The following DHDDS variants were observed in gnomAD, a reference collection of about 807,000 sequenced individuals.
DHDDS encodes the protein dehydrodolichyl diphosphate synthase subunit, also known as dehydrodolichyl diphosphate synthase complex subunit DHDDS.
A neutral mutation model predicts 46.2 loss-of-function variants in DHDDS; 16 were observed. That is an observed-to-expected ratio of 0.35 (90% CI 0.23 to 0.53). DHDDS has a LOEUF of 0.53. DHDDS is among the 20% of genes least tolerant of loss of function. The pLI, the probability that DHDDS is intolerant of heterozygous loss-of-function variation, is 0.94. For missense variants in DHDDS, 340 were observed against 423.7 expected (o/e 0.80, Z 1.73); for synonymous variants, 151 against 163.1 (o/e 0.93, Z 0.56).
intron 6 of DHDDS, among the ~76,000 whole-genome samples, chr1:26,448,851 C>T (rs2075293654): frequency 6.6e-6 from 1 of 152,090 alleles, no homozygotes; most frequent in Non-Finnish European, 1.5e-5. Context: ...TTATCCTTTA[C>T]CTCTATTATG....
intron 6 of DHDDS, among the ~76,000 whole-genome samples, chr1:26,451,027 A>G (rs2075313713): frequency 6.6e-6 from 1 of 152,166 alleles, no homozygotes; most frequent in Admixed American, 6.5e-5. Context: ...CTCATACCAC[A>G]TTACAGTAAC....
rs577937760 is a variant in DHDDS at position 26,466,882 on chromosome 1, G to A, written c.766-2013G>A. On this transcript the variant is annotated intron_variant, in intron 8 of 8. Transcript: ENST00000236342. Reference sequence around the variant, plus strand: ...AGGTGGGTACTCTTATCCCGGTTTTGCAGAGTAAGAGAGAGCCTTAGAGAG... The same window carrying A: ...AGGTGGGTACTCTTATCCCGGTTTTACAGAGTAAGAGAGAGCCTTAGAGAG... 5.5e-4 allele frequency among the ~76,000 whole-genome samples: 84 copies of A among 152,254 alleles called. 1 individual carries two copies. Among genetic ancestry groups the A allele is most frequent in the Admixed American group, 3.5e-3 (54 of 15,294 alleles).
chr1:26,449,394 C>T (rs548000181), intron 6 of DHDDS, among the ~76,000 whole-genome samples: 98 of 152,022 alleles, frequency 6.4e-4, no homozygotes, highest in Non-Finnish European at 1.3e-3. Context: ...AGCCATCACT[C>T]CTGGCCCATT....
At chr1:26,462,530 T>C (rs2075434573) in intron 8 of DHDDS, among the ~76,000 whole-genome samples, 1 of 152,172 alleles carries the variant, frequency 6.6e-6, no homozygotes, top group Admixed American at 6.5e-5. Flanking sequence ...TCCTCTTCCA[T>C]AGTATTTACT....
At chr1:26,462,066 T>G (rs536775422) in intron 8 of DHDDS, among the ~76,000 whole-genome samples, 45 of 151,396 alleles carry the variant, frequency 3.0e-4, no homozygotes, top group Non-Finnish European at 4.3e-4. Flanking sequence ...TTTTTTGTTT[T>G]TTTTTTTTTT....
chr1:26,459,070 A>C (rs2075398549), intron 7 of DHDDS, among the ~76,000 whole-genome samples: 1 of 152,270 alleles, frequency 6.6e-6, no homozygotes, highest in South Asian at 2.1e-4. Context: ...TGAGTGAGTC[A>C]GAAATGATCC....
chr1:26,433,439 C>T (rs2075122627), intron 2 of DHDDS, among the ~76,000 whole-genome samples: 1 of 151,962 alleles, frequency 6.6e-6, no homozygotes, highest in South Asian at 2.1e-4. Flanking sequence ...TGTTTGAGCT[C>T]AGGAGTTGAG....
intron 4 of DHDDS, chr1:26,443,176 G>T: frequency 2.8e-6 from 1 of 360,404 alleles, no homozygotes; most frequent in Non-Finnish European, 5.2e-6. Flanking sequence ...TAGAACCTCT[G>T]TATTCATTTA....
chr1:26,459,170 C>A (rs2075399457), intron 7 of DHDDS, among the ~76,000 whole-genome samples: 2 of 152,220 alleles, frequency 1.3e-5, no homozygotes, highest in Non-Finnish European at 2.9e-5. Flanking sequence ...CAGCTCTAAT[C>A]TAGCCTTGAA....
chr1:26,459,987 C>T (rs1301856490), intron 7 of DHDDS, 50 bp from the exon 8 acceptor site: 19 of 1,468,050 alleles, frequency 1.3e-5, no homozygotes, highest in Admixed American at 3.3e-5. Context: ...ACCAGGGATG[C>T]GGCCCAGCAA....
intron 6 of DHDDS, chr1:26,455,257 A>G (rs999374256): frequency 3.3e-6 from 2 of 610,816 alleles, no homozygotes; most frequent in Non-Finnish European, 5.9e-6. Flanking sequence ...GAGAATGAGA[A>G]ATTATATGGA....
intron 4 of DHDDS, 179 bp downstream of exon 4, chr1:26,443,052 C>CTTTTTTT (rs113377361): frequency 0.016 from 15,910 of 976,614 alleles, 13 homozygotes; most frequent in East Asian, 0.033. Flanking sequence ...TTATTTCTAA[C>CTTTTTTT]TTTTTAATAA....
chr1:26,449,290 G>A (rs576260261), intron 6 of DHDDS, among the ~76,000 whole-genome samples: 4 of 151,810 alleles, frequency 2.6e-5, no homozygotes, highest in East Asian at 1.9e-4. Context: ...TAGTAGAGAC[G>A]GGGTTTCACC....
At chr1:26,441,773 G>A (rs1425198477) in intron 3 of DHDDS, among the ~76,000 whole-genome samples, 1 of 151,878 alleles carries the variant, frequency 6.6e-6, no homozygotes, top group African/African-American at 2.4e-5. Flanking sequence ...GCACATGCCT[G>A]TAGGCCCAGC....
chr1:26,470,933 C>T lies in DHDDS; in HGVS notation c.*1802C>T, dbSNP rs574173812. ...GTCCTGTCTCCTGGGTCTGACTTTC[C>T]GTAATATGATTGGGGTACAGTAGAG... On this transcript the variant is annotated 3_prime_UTR_variant, in exon 9 of 9. Coordinates refer to ENST00000236342, the MANE Select transcript of DHDDS (RefSeq NM_205861.3). 2.0e-5 allele frequency: 3 copies of T among 152,674 alleles called. No individual in the cohort carries two copies. Among genetic ancestry groups the T allele is most frequent in the African/African-American group, 4.8e-5 (2 of 41,542 alleles). The allele number at this position is 152,674 out of a possible 1,614,324, so 9.5% of individuals were successfully genotyped here.
chr1:26,447,003 C>T (rs147156162), intron 5 of DHDDS, among the ~76,000 whole-genome samples: 8 of 152,222 alleles, frequency 5.3e-5, no homozygotes, highest in East Asian at 1.9e-4. Flanking sequence ...CTCTGAAAGC[C>T]GGTGTACAGT....
intron 4 of DHDDS, among the ~76,000 whole-genome samples, chr1:26,443,266 C>T (rs1428584719): frequency 1.3e-5 from 2 of 152,100 alleles, no homozygotes; most frequent in African/African-American, 2.4e-5. Flanking sequence ...TAATTGGGAT[C>T]CCTAAATTCT....
At chr1:26,454,634 T>G in intron 6 of DHDDS, 1 of 1,185,598 alleles carries the variant, frequency 8.4e-7, no homozygotes, top group South Asian at 1.3e-5. Context: ...AATGCTGAAT[T>G]TACTCCTGTG....
chr1:26,451,452 ATTTT>A, intron 6 of DHDDS, among the ~76,000 whole-genome samples: 2 of 78,906 alleles, frequency 2.5e-5, no homozygotes, highest in Admixed American at 2.4e-4. Context: ...GTGTGTGTGT[ATTTT>A]TGTTTTTTTG....
Sources: gnomAD v4.1 joint callset for allele counts (sites outside exome capture counted in the v4.1 genomes callset) on GRCh38, gnomAD v4.1.1 for gene constraint, MANE v1.5 for transcripts, NCBI Gene and HGNC (gene_info 2026-07-23, HGNC 2026-07-21) for gene names.